Variants in KLHL1 observed in about 807,000 individuals in gnomAD.
KLHL1 encodes kelch like family member 1, also known as kelch-like protein 1.
A neutral mutation model predicts 77.7 loss-of-function variants in KLHL1; 47 were observed. The ratio of observed to expected loss-of-function variants is 0.60; its 90% CI spans 0.48 to 0.77. The LOEUF (loss-of-function observed/expected upper bound fraction) is 0.77, where lower values mean the gene tolerates loss of function less well. KLHL1 is among the 30% of genes least tolerant of loss of function. The pLI is 0.00. For missense variants in KLHL1, 925 were observed against 910.8 expected (o/e 1.02, Z -0.20); for synonymous variants, 360 against 325.2 (o/e 1.11, Z -1.15).
At chr13:70,024,620 T>TTCTCTCTCTCTCTC (rs5804459) in intron 1 of KLHL1, among the ~76,000 whole-genome samples, 36 of 130,396 alleles carry the variant, frequency 2.8e-4, no homozygotes, top group South Asian at 1.1e-3. Flanking sequence ...GAGAAAAGAT[T>TTCTCTCTCTCTCTC]TCTCTCTCTC....
chr13:70,084,650 A>ATTTTTTTTTTTTT (rs1887486259), intron 1 of KLHL1, among the ~76,000 whole-genome samples: 6 of 14,406 alleles, frequency 4.2e-4, no homozygotes, highest in African/African-American at 8.1e-4. Context: ...TTTTTTTTTG[A>ATTTTTTTTTTTTT]ATTTTTAGTA....
intron 4 of KLHL1, among the ~76,000 whole-genome samples, chr13:69,901,891 G>A (rs188154221): frequency 8.1e-4 from 120 of 148,034 alleles, no homozygotes; most frequent in South Asian, 1.3e-3. Context: ...TCTGCCTCAC[G>A]GGTTCAAGCG....
chr13:69,814,284 T>TA (rs1179890062), intron 6 of KLHL1, among the ~76,000 whole-genome samples: 1 of 152,004 alleles, frequency 6.6e-6, no homozygotes, highest in African/African-American at 2.4e-5. Flanking sequence ...CCTCAAACCA[T>TA]AAAAATCATA....
intron 4 of KLHL1, among the ~76,000 whole-genome samples, chr13:69,901,795 C>CTTTTTTTTTTTTTTTTTT (rs1205221353): frequency 2.5e-5 from 1 of 40,794 alleles, no homozygotes; most frequent in African/African-American, 9.6e-5. Flanking sequence ...TTCTTTTTTT[C>CTTTTTTTTTTTTTTTTTT]TTTTTTTTTT....
At chr13:69,757,754 C>A (rs146028386) in intron 7 of KLHL1, among the ~76,000 whole-genome samples, 3 of 151,806 alleles carry the variant, frequency 2.0e-5, no homozygotes, top group Non-Finnish European at 4.4e-5. Flanking sequence ...GAGTTTAAGA[C>A]CAGCCTGGCC....
intron 1 of KLHL1, among the ~76,000 whole-genome samples, chr13:70,085,238 C>A (rs183093674): frequency 6.6e-6 from 1 of 151,980 alleles, no homozygotes; most frequent in African/African-American, 2.4e-5. Context: ...AGAGAGAGAA[C>A]GGGAAGTGAG....
At chr13:69,840,285 G>A (rs1879194658) in intron 5 of KLHL1, among the ~76,000 whole-genome samples, 1 of 151,926 alleles carries the variant, frequency 6.6e-6, no homozygotes, top group Non-Finnish European at 1.5e-5. Flanking sequence ...GTGCAGTGGT[G>A]TGATCTCGGC....
chr13:69,783,072 G>C (rs1471170373), intron 7 of KLHL1, among the ~76,000 whole-genome samples: 1 of 152,218 alleles, frequency 6.6e-6, no homozygotes, highest in African/African-American at 2.4e-5. Context: ...AAACGGTCTG[G>C]AGTGGACCTC....
At chr13:69,886,493 AAT>A (rs533488505) in intron 4 of KLHL1, among the ~76,000 whole-genome samples, 9 of 151,324 alleles carry the variant, frequency 5.9e-5, no homozygotes, top group African/African-American at 1.2e-4. Flanking sequence ...TATTGTTAAT[AAT>A]ATATATATAA....
At chr13:70,047,449 G>A (rs1886530698) in intron 1 of KLHL1, among the ~76,000 whole-genome samples, 1 of 151,738 alleles carries the variant, frequency 6.6e-6, no homozygotes, top group South Asian at 2.1e-4. Flanking sequence ...CTGTATAGGT[G>A]GAAAGTTTGT....
chr13:69,960,288 T>C (rs1884024747), intron 3 of KLHL1, among the ~76,000 whole-genome samples: 1 of 92,018 alleles, frequency 1.1e-5, no homozygotes, highest in Non-Finnish European at 2.4e-5. Flanking sequence ...TTAGCAGAAA[T>C]GCTGTAAAAA....
chr13:70,078,901 A>G (rs1242568840), intron 1 of KLHL1, among the ~76,000 whole-genome samples: 1 of 152,172 alleles, frequency 6.6e-6, no homozygotes, highest in Non-Finnish European at 1.5e-5. Context: ...CACTTAAACA[A>G]CTAGTCCTCT....
intron 1 of KLHL1, among the ~76,000 whole-genome samples, chr13:70,025,796 G>A (rs1039461468): frequency 2.6e-5 from 4 of 152,006 alleles, no homozygotes; most frequent in Non-Finnish European, 5.9e-5. Flanking sequence ...AAGCAATTCT[G>A]AGTGAATAAA....
At chr13:69,933,950 A>G (rs756455438) in intron 4 of KLHL1, among the ~76,000 whole-genome samples, 84 of 152,118 alleles carry the variant, frequency 5.5e-4, no homozygotes, top group Non-Finnish European at 1.1e-3. Context: ...TAATCACGGT[A>G]TATTCATTAG....
At chr13:69,894,982 G>T in intron 4 of KLHL1, 1 of 496,922 alleles carries the variant, frequency 2.0e-6, no homozygotes, top group South Asian at 1.5e-5. Flanking sequence ...GTAGTGTTCT[G>T]AGCTCACAAA....
chr13:70,042,616 T>G (rs553663474), intron 1 of KLHL1, among the ~76,000 whole-genome samples: 1 of 152,328 alleles, frequency 6.6e-6, no homozygotes, highest in Non-Finnish European at 1.5e-5. Context: ...ATTCATACAA[T>G]TATCAAGTAC....
At chr13:69,860,086 G>A (rs1025093171) in intron 5 of KLHL1, among the ~76,000 whole-genome samples, 13 of 152,060 alleles carry the variant, frequency 8.5e-5, no homozygotes, top group Non-Finnish European at 1.5e-4. Flanking sequence ...GTGTTTATAT[G>A]TGTGATATAA....
chr13:70,004,627 CAA>C (rs1421430878), intron 1 of KLHL1, among the ~76,000 whole-genome samples: 2 of 151,710 alleles, frequency 1.3e-5, no homozygotes, highest in African/African-American at 4.8e-5. Context: ...TAAATATGTA[CAA>C]AGACTTTACA....
chr13:69,768,026 G>C (rs936771908), intron 7 of KLHL1, among the ~76,000 whole-genome samples: 1 of 152,136 alleles, frequency 6.6e-6, no homozygotes, highest in South Asian at 2.1e-4. Flanking sequence ...ACATTTGTTT[G>C]TATGTTTCAT....
Sources: allele counts gnomAD v4.1 joint callset (sites outside exome capture counted in the v4.1 genomes callset), GRCh38; gene constraint gnomAD v4.1.1; transcripts MANE v1.5; gene names NCBI Gene and HGNC (gene_info 2026-07-23, HGNC 2026-07-21).